The following ZBTB20 variants were observed in gnomAD, a reference collection of about 807,000 sequenced individuals.
The protein encoded by ZBTB20 is zinc finger and BTB domain containing 20.
A neutral mutation model predicts 56.9 loss-of-function variants in ZBTB20; 9 were observed. That is an observed-to-expected ratio of 0.16 (90% CI 0.10 to 0.28). The LOEUF (loss-of-function observed/expected upper bound fraction) is 0.28. Ranked by LOEUF, ZBTB20 falls within the 10% of genes least tolerant of loss-of-function variation. The probability of loss-of-function intolerance (pLI) is 1.00; values close to 1 mark genes in which losing one functional copy is unlikely to be tolerated. For synonymous variants in ZBTB20, 417 were observed against 420.7 expected (o/e 0.99, Z 0.11); for missense variants, 655 against 1,003.0 (o/e 0.65, Z 4.69).
chr3:114,681,070 C>T (rs1054739267), intron 6 of ZBTB20, among the ~76,000 whole-genome samples: 5 of 152,050 alleles, frequency 3.3e-5, no homozygotes, highest in Admixed American at 3.3e-4. Flanking sequence ...AGACTCTAAA[C>T]ATATATTATC....
At chr3:114,393,821 A>G (rs2718432) in intron 7 of ZBTB20, among the ~76,000 whole-genome samples, 152,286 of 152,302 alleles carry the variant, frequency 1, 76,135 homozygotes, top group Middle Eastern at 1. Context: ...CTTGGAACCC[A>G]GCTGGCAAGT....
intron 6 of ZBTB20, among the ~76,000 whole-genome samples, chr3:114,618,761 A>G (rs749038232): frequency 2.6e-5 from 4 of 152,204 alleles, no homozygotes; most frequent in Non-Finnish European, 5.9e-5. Context: ...GCTACTATAC[A>G]TAGCTTAAAC....
chr3:114,591,837 G>A (rs965016357), intron 6 of ZBTB20, among the ~76,000 whole-genome samples: 7 of 152,032 alleles, frequency 4.6e-5, no homozygotes, highest in South Asian at 2.1e-4. Context: ...GACACTGTAC[G>A]TAAAAGCATT....
At chr3:114,950,471 G>T (rs946436506) in intron 3 of ZBTB20, among the ~76,000 whole-genome samples, 1 of 151,992 alleles carries the variant, frequency 6.6e-6, no homozygotes, top group African/African-American at 2.4e-5. Context: ...TTCTTGTGAT[G>T]ATATGAGATG....
At chr3:114,630,586 T>C (rs1305842644) in intron 6 of ZBTB20, among the ~76,000 whole-genome samples, 1 of 152,158 alleles carries the variant, frequency 6.6e-6, no homozygotes, top group African/African-American at 2.4e-5. Context: ...CTGCAGGAGC[T>C]ACATGCTGTA....
At chr3:114,715,018 A>T (rs989796499) in intron 5 of ZBTB20, among the ~76,000 whole-genome samples, 2 of 152,154 alleles carry the variant, frequency 1.3e-5, no homozygotes, top group Non-Finnish European at 2.9e-5. Context: ...GCATAAGGGG[A>T]TGCTAAATTC....
intron 2 of ZBTB20, among the ~76,000 whole-genome samples, chr3:114,975,317 T>C (rs2078052278): frequency 6.6e-6 from 1 of 152,190 alleles, no homozygotes; most frequent in Non-Finnish European, 1.5e-5. Context: ...CATTTACTAA[T>C]AATCTCCACA....
At chr3:114,885,190 A>C (rs756787548) in intron 4 of ZBTB20, among the ~76,000 whole-genome samples, 9 of 152,178 alleles carry the variant, frequency 5.9e-5, no homozygotes, top group Non-Finnish European at 1.2e-4. Flanking sequence ...AATAGTTGAC[A>C]GAACACTCCT....
Position 114,631,740 on chromosome 3 carries a change from T to C in ZBTB20, c.-295+61788A>G, listed in dbSNP as rs1412291160. Among the ~76,000 whole-genome samples, 3 of 152,172 alleles carry C rather than the reference T, an allele frequency of 2.0e-5. No homozygotes were observed. In the East Asian group the frequency reaches 5.8e-4, roughly 29 times the overall value. Reference sequence around the variant, plus strand: ...AAATACATATTTAGAAATTTTTTCTTATGATTCTGGTCCTATATTGTTCTA... The same window carrying C: ...AAATACATATTTAGAAATTTTTTCTCATGATTCTGGTCCTATATTGTTCTA... On this transcript the variant is annotated intron_variant, in intron 6 of 11. Coordinates refer to ENST00000675478, the MANE Select transcript of ZBTB20 (RefSeq NM_001348800.3).
chr3:115,076,272 A>G (rs557389222), intron 1 of ZBTB20, among the ~76,000 whole-genome samples: 1 of 152,318 alleles, frequency 6.6e-6, no homozygotes, highest in South Asian at 2.1e-4. Flanking sequence ...AAGAAAAACA[A>G]AGATTGAGGC....
chr3:114,678,598 A>C (rs144092338), intron 6 of ZBTB20, among the ~76,000 whole-genome samples: 3 of 152,328 alleles, frequency 2.0e-5, no homozygotes, highest in Admixed American at 2.0e-4. Context: ...CTTATGTATG[A>C]CTTTAAGTTG....
chr3:115,039,007 G>T (rs974866487), intron 2 of ZBTB20, among the ~76,000 whole-genome samples: 6 of 151,938 alleles, frequency 3.9e-5, no homozygotes, highest in Admixed American at 2.6e-4. Context: ...TCAATGACCT[G>T]TTACTGTATC....
At chr3:114,738,468 G>C (rs2066345466) in intron 5 of ZBTB20, among the ~76,000 whole-genome samples, 1 of 152,056 alleles carries the variant, frequency 6.6e-6, no homozygotes, top group South Asian at 2.1e-4. Flanking sequence ...AAATAAGATA[G>C]ATTTTCTTTC....
At chr3:115,090,200 T>C (rs2083136004) in intron 1 of ZBTB20, among the ~76,000 whole-genome samples, 1 of 151,770 alleles carries the variant, frequency 6.6e-6, no homozygotes, top group Non-Finnish European at 1.5e-5. Context: ...CTGAAGTATG[T>C]GGGCCAGCTA....
chr3:114,621,737 T>C (rs1346499233), intron 6 of ZBTB20, among the ~76,000 whole-genome samples: 1 of 152,134 alleles, frequency 6.6e-6, no homozygotes, highest in Non-Finnish European at 1.5e-5. Context: ...TTAATGAAAT[T>C]AGAATTTCCA....
chr3:115,078,607 GTGTGTGTATA>G (rs2082679855), intron 1 of ZBTB20, among the ~76,000 whole-genome samples: 2 of 136,376 alleles, frequency 1.5e-5, no homozygotes, highest in African/African-American at 6.2e-5. Flanking sequence ...GTGTGTGTGT[GTGTGTGTATA>G]TATATATATA....
intron 6 of ZBTB20, among the ~76,000 whole-genome samples, chr3:114,631,907 G>A (rs186697686): frequency 3.9e-5 from 6 of 152,242 alleles, no homozygotes; most frequent in Non-Finnish European, 8.8e-5. Flanking sequence ...ATTCCCTTAA[G>A]AAGGGAACAG....
chr3:114,611,002 G>A (rs1426273726), intron 6 of ZBTB20, among the ~76,000 whole-genome samples: 2 of 152,172 alleles, frequency 1.3e-5, no homozygotes, highest in Non-Finnish European at 2.9e-5. Context: ...ATACATGCTA[G>A]GCAATGATGG....
intron 7 of ZBTB20, among the ~76,000 whole-genome samples, chr3:114,468,616 A>C (rs755572633): frequency 6.6e-6 from 1 of 152,170 alleles, no homozygotes; most frequent in South Asian, 2.1e-4. Context: ...ATAAAATACA[A>C]TTTAAACAAT....
Sources: gnomAD v4.1 joint callset for allele counts (sites outside exome capture counted in the v4.1 genomes callset) on GRCh38, gnomAD v4.1.1 for gene constraint, MANE v1.5 for transcripts, NCBI Gene and HGNC (gene_info 2026-07-23, HGNC 2026-07-21) for gene names.